The following DICER1 variants were observed in gnomAD, a reference collection of about 807,000 sequenced individuals.
DICER1 encodes dicer 1, ribonuclease III, also known as endoribonuclease Dicer.
In DICER1, 43 loss-of-function variants were observed where a neutral mutation model predicts 194.1. That is an observed-to-expected ratio of 0.22 (90% CI 0.17 to 0.29). The LOEUF (loss-of-function observed/expected upper bound fraction) is 0.29, where lower values mean the gene tolerates loss of function less well. Ranked by LOEUF, DICER1 falls within the 10% of genes least tolerant of loss-of-function variation. DICER1 has a pLI of 1.00. For missense variants in DICER1, 1,608 were observed against 2,317.0 expected, an observed-to-expected ratio of 0.69 and a Z score of 6.28; for synonymous variants, 832 against 820.5, an observed-to-expected ratio of 1.01 and a Z score of -0.24.
intron 8 of DICER1, among the ~76,000 whole-genome samples, chr14:95,120,930 A>C (rs1892887145): frequency 6.6e-6 from 1 of 152,216 alleles, no homozygotes; most frequent in African/African-American, 2.4e-5. Context: ...TAGAGTAAGA[A>C]AAGGGAAACA....
intron 6 of DICER1, 39 bp from the exon 7 acceptor site, chr14:95,126,787 G>A: frequency 8.9e-7 from 1 of 1,122,842 alleles, no homozygotes; most frequent in African/African-American, 1.7e-5. Flanking sequence ...TACTGCAGTA[G>A]TGAGAATGCA....
Position 95,130,042 on chromosome 14 carries a change from T to C in DICER1, c.573+16A>G. The stretch of plus-strand genomic sequence containing the variant: ...TAGTTTACCAAGAATTACTAAGACT[T>C]AGGTCTAAAACTTACCTTCATAATT... On this transcript the variant is annotated intron_variant, in intron 5 of 26. Transcript: ENST00000343455. 6.2e-7 allele frequency: 1 copy of C among 1,611,902 alleles called. No homozygotes were observed. The highest frequency in any genetic ancestry group is 8.5e-7 in the Non-Finnish European group (1 of 1,178,698).
chr14:95,131,685 T>C (rs1289302556), intron 3 of DICER1, 46 bp from the exon 4 acceptor site: 2 of 1,573,534 alleles, frequency 1.3e-6, no homozygotes, highest in East Asian at 2.2e-5. Context: ...AAATCTTGCC[T>C]AGTTGGCTCT....
At position 95,108,110 on chromosome 14, in the gene DICER1, G is replaced by A. The variant is rs376483385; in HGVS notation, c.2437-17C>T. On this transcript the variant is annotated splice_polypyrimidine_tract_variant and intron_variant, in intron 15 of 26. Transcript: ENST00000343455. ...GTGTGGAATCTTAGCAAAAGGAAAT[G>A]TAAAGCACCCCTCAAAATTAACAGG... The A allele has an allele frequency of 3.8e-6, 6 of 1,572,362 alleles. No individual in the cohort carries two copies. In the African/African-American group the frequency reaches 4.1e-5, roughly 11 times the overall value.
chr14:95,104,372 C>A (rs1301179557), intron 20 of DICER1, among the ~76,000 whole-genome samples: 9 of 152,216 alleles, frequency 5.9e-5, no homozygotes, highest in Non-Finnish European at 8.8e-5. Context: ...ACGAAGCTTG[C>A]AGGCATCCTG....
chr14:95,144,961 C>G (rs1895039999), intron 1 of DICER1, among the ~76,000 whole-genome samples: 1 of 152,138 alleles, frequency 6.6e-6, no homozygotes, highest in Non-Finnish European at 1.5e-5. Flanking sequence ...AATAAATAAA[C>G]CTTTTCTACC....
chr14:95,122,937 C>T (rs1247520755), intron 8 of DICER1, among the ~76,000 whole-genome samples: 2 of 143,706 alleles, frequency 1.4e-5, no homozygotes, highest in East Asian at 2.0e-4. Context: ...TGCGTGTACG[C>T]GCGCGCGCGC....
intron 8 of DICER1, among the ~76,000 whole-genome samples, chr14:95,118,724 C>T (rs1892700416): frequency 6.6e-6 from 1 of 151,974 alleles, no homozygotes; most frequent in South Asian, 2.1e-4. Context: ...AGCGATTCCA[C>T]ATGGTTTCTC....
rs761932150 is a variant in DICER1, at chr14:95,094,038, G to A, written c.5214C>T (p.Ala1738=). The part of the protein sequence containing the change: ...SPGVLTDLRS[A]LVNNTIFASL... ...ATGCAAAGATGGTGTTGTTGACCAG[G>A]GCAGACCGCAGGTCTGTCAGGACCC... The change falls in exon 24 of 27, where the codon GCC becomes GCT. Residue 1738 remains alanine, a synonymous_variant. Coordinates refer to ENST00000343455, the MANE Select transcript of DICER1 (RefSeq NM_177438.3). The A allele has an allele frequency of 1.2e-6, 2 of 1,614,066 alleles. No individual in the cohort carries two copies. The highest frequency in any genetic ancestry group is 2.2e-5 in the South Asian group (2 of 91,076).
chr14:95,090,307 A>C lies in DICER1; in HGVS notation c.*191T>G. 3.1e-6 allele frequency: 2 copies of C among 645,936 alleles called. No homozygotes were observed. Among genetic ancestry groups the C allele is most frequent in the Non-Finnish European group, 5.3e-6 (2 of 378,386 alleles). 40.0% of individuals were successfully genotyped at this position (645,936 alleles called of 1,614,324 possible). On this transcript the variant is annotated 3_prime_UTR_variant, in exon 27 of 27. Coordinates refer to ENST00000343455, the MANE Select transcript of DICER1 (RefSeq NM_177438.3). ...TGTTTGCGCAAAAAACTAAAACTACAATTAGTTCCAAAATTTTATACATAT... is the reference window on the plus strand; with the variant it reads ...TGTTTGCGCAAAAAACTAAAACTACCATTAGTTCCAAAATTTTATACATAT...
chr14:95,154,733 G>GT (rs576961238), intron 1 of DICER1, among the ~76,000 whole-genome samples: 130 of 152,300 alleles, frequency 8.5e-4, no homozygotes, highest in Middle Eastern at 3.4e-3. Flanking sequence ...AATGAGGACA[G>GT]TTTGAGTTGG....
intron 11 of DICER1, among the ~76,000 whole-genome samples, chr14:95,114,390 C>T (rs1489677130): frequency 6.6e-6 from 1 of 151,996 alleles, no homozygotes; most frequent in Non-Finnish European, 1.5e-5. Flanking sequence ...TAGATTATAA[C>T]CCATTAAATA....
At chr14:95,111,578 CT>C in intron 13 of DICER1, 122 bp from the exon 14 acceptor site, 2 of 1,094,700 alleles carry the variant, frequency 1.8e-6, no homozygotes, top group Non-Finnish European at 2.7e-6. Context: ...GCACCTTTGC[CT>C]TTTACAATTT....
intron 22 of DICER1, among the ~76,000 whole-genome samples, chr14:95,099,150 G>A (rs751241455): frequency 2.6e-5 from 4 of 152,158 alleles, no homozygotes; most frequent in Admixed American, 6.5e-5. Flanking sequence ...CCACCACTGC[G>A]CTGGTTCCTG....
rs375239471 is a variant in DICER1 at position 95,091,196 on chromosome 14, A to G, written c.5527+7T>C. 8.1e-6 allele frequency: 13 copies of G among 1,614,192 alleles called. No individual in the cohort carries two copies. The highest frequency in any genetic ancestry group is 9.3e-6 in the Non-Finnish European group (11 of 1,180,004). ...GTTTTTTTCTTTCTAAAGGGAGCCAACAATACCTATTAGTGGCCGCATCAT... is the reference window on the plus strand; with the variant it reads ...GTTTTTTTCTTTCTAAAGGGAGCCAGCAATACCTATTAGTGGCCGCATCAT... On this transcript the variant is annotated splice_region_variant and intron_variant, in intron 25 of 26. Coordinates refer to ENST00000343455, the MANE Select transcript of DICER1 (RefSeq NM_177438.3).
Position 95,126,561 on chromosome 14 carries a change from C to G in DICER1, c.903+19G>C. 7.1e-7 allele frequency: 1 copy of G among 1,416,198 alleles called. No individual in the cohort carries two copies. Among genetic ancestry groups the G allele is most frequent in the South Asian group, 1.2e-5 (1 of 85,310 alleles). The allele number at this position is 1,416,198 out of a possible 1,614,324, so 87.7% of individuals were successfully genotyped here. A position where few individuals can be genotyped will look rare whatever the true frequency, so the allele number is the denominator to read the frequency against. On this transcript the variant is annotated intron_variant, in intron 7 of 26. Transcript: ENST00000343455. ...AGCTTTCAAAATATAATCACTATACCTACTTGGTATATGCTTACCTGTTTC... is the reference window on the plus strand; with the variant it reads ...AGCTTTCAAAATATAATCACTATACGTACTTGGTATATGCTTACCTGTTTC...
At chr14:95,144,640 C>G (rs968879234) in intron 1 of DICER1, among the ~76,000 whole-genome samples, 6 of 152,024 alleles carry the variant, frequency 3.9e-5, no homozygotes, top group Non-Finnish European at 8.8e-5. Flanking sequence ...CCGTAAGATT[C>G]GGCATAGAAA....
intron 1 of DICER1, among the ~76,000 whole-genome samples, chr14:95,154,624 T>C (rs1237795090): frequency 6.6e-6 from 1 of 152,182 alleles, no homozygotes; most frequent in African/African-American, 2.4e-5. Context: ...AAATACTGTA[T>C]GACTCTACTT....
At chr14:95,094,906 G>T (rs1890170479) in intron 23 of DICER1, among the ~76,000 whole-genome samples, 1 of 151,740 alleles carries the variant, frequency 6.6e-6, no homozygotes. Context: ...AATAAGCAAG[G>T]AATTAAGAAG....
Sources: gnomAD v4.1 joint callset for allele counts (sites outside exome capture counted in the v4.1 genomes callset) on GRCh38, gnomAD v4.1.1 for gene constraint, MANE v1.5 for transcripts, NCBI Gene and HGNC (gene_info 2026-07-23, HGNC 2026-07-21) for gene names.